The following RNF123 variants were observed in gnomAD, a reference collection of about 807,000 sequenced individuals.
RNF123 encodes the protein ring finger protein 123, also known as E3 ubiquitin-protein ligase RNF123.
Under a neutral mutation model 168.5 loss-of-function variants are expected in RNF123, and 86 were observed. The ratio of observed to expected loss-of-function variants is 0.51; its 90% CI spans 0.43 to 0.61. The LOEUF (loss-of-function observed/expected upper bound fraction) is 0.61, where lower values mean the gene tolerates loss of function less well. Among genes scored for constraint, RNF123 ranks in the 20% least tolerant of loss-of-function variants. The probability of loss-of-function intolerance (pLI) is 0.00; values close to 1 mark genes in which losing one functional copy is unlikely to be tolerated. For missense variants in RNF123, 1,419 were observed against 1,729.7 expected, an observed-to-expected ratio of 0.82 and a Z score of 3.19; for synonymous variants, 666 against 689.1, an observed-to-expected ratio of 0.97 and a Z score of 0.52.
intron 35 of RNF123, chr3:49,717,620 G>A: frequency 9.5e-6 from 4 of 422,260 alleles, no homozygotes; most frequent in East Asian, 1.0e-4. Flanking sequence ...TTCCACAGCT[G>A]TGCTGTGTTG....
At position 49,718,913 on chromosome 3, in the gene RNF123, G is replaced by A. The variant is rs190335089; in HGVS notation, c.3501-1598G>A. 1.6e-5 allele frequency: 26 copies of A among 1,613,776 alleles called. No homozygotes were observed. The East Asian group carries it at 5.6e-4, about 35-fold the overall frequency. On this transcript the variant is annotated intron_variant, in intron 35 of 38. Coordinates refer to ENST00000327697, the MANE Select transcript of RNF123 (RefSeq NM_022064.5). ...TTGGAGGAGAGGTCCAGAGTAAGCA[G>A]GTGGGTGGCGCTCAGACCGTGCAGG...
chr3:49,719,051 G>A (rs377265906), intron 35 of RNF123: 1 of 1,613,770 alleles, frequency 6.2e-7, no homozygotes, highest in African/African-American at 1.3e-5. Context: ...TTGAACAGAA[G>A]CAGCTTCTCC....
chr3:49,716,097 C>T lies in RNF123; in HGVS notation c.3340-5C>T. On this transcript the variant is annotated splice_polypyrimidine_tract_variant and splice_region_variant and intron_variant, in intron 33 of 38. Coordinates refer to ENST00000327697, the MANE Select transcript of RNF123 (RefSeq NM_022064.5). ...TCCACCAATGGACTCCTGCTCCCCTCACAGCTGCTAAACCAGGTGCTGAAC... is the reference window on the plus strand; with the variant it reads ...TCCACCAATGGACTCCTGCTCCCCTTACAGCTGCTAAACCAGGTGCTGAAC... The T allele has an allele frequency of 3.7e-6, 6 of 1,613,784 alleles. No homozygotes were observed. Among genetic ancestry groups the T allele is most frequent in the East Asian group, 4.5e-5 (2 of 44,864 alleles).
chr3:49,702,766 G>A lies in RNF123; in HGVS notation c.1750+13G>A, dbSNP rs975629796. On this transcript the variant is annotated intron_variant, in intron 20 of 38. Transcript: ENST00000327697. ...TCCTTCAGTGAGGGTGAGTGGCACC[G>A]GGGTCCCAGGTCAGTGAGGCTGGAC... 13 of 1,613,746 alleles carry A rather than the reference G, an allele frequency of 8.1e-6. No homozygotes were observed. The highest frequency in any genetic ancestry group is 3.3e-5 in the South Asian group (3 of 91,046).
chr3:49,714,246 C>G (rs1027761160), intron 31 of RNF123, 72 bp downstream of exon 31: 31 of 1,345,410 alleles, frequency 2.3e-5, no homozygotes, highest in Non-Finnish European at 3.1e-5. Context: ...TGGGTTCTTT[C>G]AGACTCTCCA....
intron 3 of RNF123, 110 bp downstream of exon 3, chr3:49,691,619 T>C: frequency 2.3e-6 from 2 of 857,724 alleles, no homozygotes; most frequent in Middle Eastern, 3.0e-4. Flanking sequence ...GCTTAGGCTC[T>C]GTTCTCACTG....
At chr3:49,716,042 C>T in intron 33 of RNF123, 32 bp downstream of exon 33, 2 of 1,613,648 alleles carry the variant, frequency 1.2e-6, no homozygotes, top group South Asian at 1.1e-5. Context: ...GGGTGGGACC[C>T]TGGGGATGCC....
intron 12 of RNF123, 197 bp from the exon 13 acceptor site, chr3:49,700,030 C>T (rs1248421490): frequency 4.0e-6 from 3 of 759,318 alleles, no homozygotes; most frequent in Non-Finnish European, 6.3e-6. Flanking sequence ...ACTGCGTGTG[C>T]CAAGCCTTAG....
chr3:49,712,313 T>G (rs1444453940), intron 26 of RNF123, among the ~76,000 whole-genome samples, 166 bp from the exon 27 acceptor site: 2 of 152,216 alleles, frequency 1.3e-5, no homozygotes, highest in Non-Finnish European at 2.9e-5. Flanking sequence ...TCTTGCCTGC[T>G]GAGGACTTGA....
At chr3:49,692,525 AATT>A (rs1225996669) in intron 3 of RNF123, among the ~76,000 whole-genome samples, 11 of 152,142 alleles carry the variant, frequency 7.2e-5, no homozygotes, top group Admixed American at 5.9e-4. Flanking sequence ...TTAAATGTAC[AATT>A]ATTATTTACT....
intron 26 of RNF123, 145 bp from the exon 27 acceptor site, chr3:49,712,334 T>G: frequency 5.1e-5 from 37 of 728,394 alleles, no homozygotes; most frequent in Non-Finnish European, 7.2e-5. Context: ...TTGCCCTGCT[T>G]GAGCTACTGC....
chr3:49,698,681 G>GA, intron 8 of RNF123, 74 bp from the exon 9 acceptor site: 1 of 1,578,210 alleles, frequency 6.3e-7, no homozygotes, highest in Non-Finnish European at 8.7e-7. Context: ...GGTGGTTCTG[G>GA]AAACGCAGCT....
intron 3 of RNF123, among the ~76,000 whole-genome samples, chr3:49,692,847 T>G (rs1380664328): frequency 6.6e-6 from 1 of 152,236 alleles, no homozygotes; most frequent in Non-Finnish European, 1.5e-5. Flanking sequence ...TGTGTATATG[T>G]ACCATGTTTT....
intron 21 of RNF123, among the ~76,000 whole-genome samples, chr3:49,704,397 T>C (rs1476497094): frequency 6.6e-6 from 1 of 152,014 alleles, no homozygotes; most frequent in African/African-American, 2.4e-5. Flanking sequence ...AGAAAGTCAA[T>C]TTGAAAATAA....
intron 37 of RNF123, 23 bp downstream of exon 37, chr3:49,720,917 G>C: frequency 1.2e-6 from 2 of 1,613,178 alleles, no homozygotes; most frequent in Non-Finnish European, 1.7e-6. Flanking sequence ...ACGGTGCACA[G>C]GTCCATGCCA....
chr3:49,704,647 C>A lies in RNF123; in HGVS notation c.1853-3C>A. ...CTGAGAACCCTCCTGCTCTTCCTCC[C>A]AGATGACCTTGCTTCCAAAGCCAAC... On this transcript the variant is annotated splice_region_variant and splice_polypyrimidine_tract_variant and intron_variant, in intron 21 of 38. Transcript: ENST00000327697. 6.2e-7 allele frequency: 1 copy of A among 1,607,838 alleles called. No individual in the cohort carries two copies. The highest frequency in any genetic ancestry group is 1.7e-5 in the Admixed American group (1 of 58,952).
intron 3 of RNF123, among the ~76,000 whole-genome samples, chr3:49,694,122 T>C (rs1374610343): frequency 6.6e-6 from 1 of 152,260 alleles, no homozygotes; most frequent in Non-Finnish European, 1.5e-5. Context: ...GTTTATCTTA[T>C]AATGTATGTA....
chr3:49,719,780 C>T (rs759850234), intron 35 of RNF123: 18 of 315,066 alleles, frequency 5.7e-5, no homozygotes, highest in Non-Finnish European at 9.9e-5. Context: ...GGCTACATCC[C>T]TTTGTGCCCA....
chr3:49,715,631 C>T lies in RNF123; in HGVS notation c.3067C>T (p.Pro1023Ser). ...QHMADLLQQG[P>S]DVAPSFLNSV... ...CATGGCGGACCTCCTACAGCAGGGT[C>T]CTGATGTGGCACCCAGCTTCCTCAA... Residue 1023 changes from proline (P) to serine (S), a missense_variant, in exon 32 of 39, where the codon CCT becomes TCT. Pro to Ser is a moderately conservative substitution (Grantham distance 74). Around this residue, in one of 5 missense-constraint regions of RNF123, gnomAD observed 538 missense variants for 708.8 expected, o/e 0.76. Coordinates refer to ENST00000327697, the MANE Select transcript of RNF123 (RefSeq NM_022064.5). 1 of 1,614,214 alleles carries T rather than the reference C, an allele frequency of 6.2e-7. No homozygotes were observed. The highest frequency in any genetic ancestry group is 2.2e-5 in the East Asian group (1 of 44,886).
Sources: allele counts gnomAD v4.1 joint callset (sites outside exome capture counted in the v4.1 genomes callset), GRCh38; gene constraint gnomAD v4.1.1; regional missense constraint gnomAD v4.1.1; transcripts MANE v1.5; gene names NCBI Gene and HGNC (gene_info 2026-07-23, HGNC 2026-07-21).